ZNF260: variants seen among roughly 807,000 people sequenced by gnomAD.
The protein encoded by ZNF260 is zfp-260.
ZNF260 carries 21 observed loss-of-function variants against 29.3 expected under a neutral mutation model. The ratio of observed to expected loss-of-function variants is 0.72; its 90% CI spans 0.51 to 1.03. The LOEUF is 1.03. Ranked by LOEUF, ZNF260 falls within the 50% of genes least tolerant of loss-of-function variation. The pLI is 0.00. For missense variants in ZNF260, 465 were observed against 487.8 expected, an observed-to-expected ratio of 0.95 and a Z score of 0.44; for synonymous variants, 156 against 156.8, an observed-to-expected ratio of 0.99 and a Z score of 0.04.
At chr19:36,524,321 G>A (rs909907308) in intron 2 of ZNF260, among the ~76,000 whole-genome samples, 118 of 151,792 alleles carry the variant, frequency 7.8e-4, no homozygotes, top group African/African-American at 2.8e-3. Context: ...AACTACAGGC[G>A]CCCGCCACCA....
In ZNF260 at chr19:36,514,079, G is replaced by T. The variant is rs1352964809; in HGVS notation, c.1160C>A (p.Pro387His). 1 of 1,614,108 alleles carries T rather than the reference G, an allele frequency of 6.2e-7. No homozygotes were observed. The highest frequency in any genetic ancestry group is 1.7e-5 in the Admixed American group (1 of 60,014). ...TTTCCCACATTCACTACACTGATAA[G>T]GTTTTTCACCAGTATGGATTCTCAT... ...LHMRIHTGEK[P>H]YQCSECGKAF... Residue 387 changes from proline to histidine, a missense_variant, in exon 3 of 3, where the codon CCT (proline) becomes CAT (histidine). Physicochemically the swap from Pro to His is moderately conservative, Grantham distance 77. Transcript: ENST00000523638.
intron 2 of ZNF260, among the ~76,000 whole-genome samples, chr19:36,516,725 C>T (rs1371121574): frequency 2.0e-5 from 3 of 152,074 alleles, no homozygotes; most frequent in Admixed American, 2.0e-4. Context: ...ACTACAGGCG[C>T]CCACCACCAT....
chr19:36,525,615 T>C (rs899977193), intron 1 of ZNF260, among the ~76,000 whole-genome samples: 5 of 152,014 alleles, frequency 3.3e-5, no homozygotes, highest in African/African-American at 7.2e-5. Flanking sequence ...GGTGAAACCC[T>C]GTCTCTACTA....
intron 2 of ZNF260, among the ~76,000 whole-genome samples, chr19:36,516,546 T>C (rs139936479): frequency 4.3e-4 from 65 of 152,336 alleles, no homozygotes; most frequent in African/African-American, 1.5e-3. Context: ...GCTATGATCG[T>C]GCCAGTGTCT....
At chr19:36,526,203 A>G (rs2034730712) in intron 1 of ZNF260, among the ~76,000 whole-genome samples, 1 of 152,200 alleles carries the variant, frequency 6.6e-6, no homozygotes, top group African/African-American at 2.4e-5. Flanking sequence ...TGGTTCCAGG[A>G]TCACTGTGGA....
chr19:36,525,129 T>G (rs2034713226), intron 2 of ZNF260, 26 bp downstream of exon 2: 1 of 152,240 alleles, frequency 6.6e-6, no homozygotes, highest in African/African-American at 2.4e-5. Flanking sequence ...ATAACTGCAA[T>G]AAGTCTTTAT....
At chr19:36,526,305 C>G (rs572866676) in intron 1 of ZNF260, among the ~76,000 whole-genome samples, 38 of 152,188 alleles carry the variant, frequency 2.5e-4, no homozygotes, top group African/African-American at 7.7e-4. Flanking sequence ...CTTTGGGAGG[C>G]TGAGGCAGGC....
chr19:36,520,106 G>A (rs1281937260), intron 2 of ZNF260, among the ~76,000 whole-genome samples: 4 of 151,104 alleles, frequency 2.6e-5, no homozygotes, highest in Admixed American at 6.6e-5. Flanking sequence ...GGCTGAGGCA[G>A]GAGAAATGCT....
Position 36,514,407 on chromosome 19 carries a change from A to G in ZNF260, c.832T>C (p.Cys278Arg). 6.2e-7 allele frequency: 1 copy of G among 1,613,590 alleles called. No individual in the cohort carries two copies. The change falls in exon 3 of 3, where the codon TGT becomes CGT. Residue 278 changes from cysteine (C) to arginine (R), a missense_variant. Transcript: ENST00000523638. Reference sequence around the variant, plus strand: ...CTGAAGATTGTTCCACATTCATTACATTTGTAGGGTTTCTCTCCAATATGA... The same window carrying G: ...CTGAAGATTGTTCCACATTCATTACGTTTGTAGGGTTTCTCTCCAATATGA... ...KIHIGEKPYK[C>R]NECGTIFRQK...
Position 36,513,152 on chromosome 19 carries a change from A to C in ZNF260, c.*848T>G, listed in dbSNP as rs1461856159. The C allele has an allele frequency of 6.6e-6, 1 of 152,152 alleles. No homozygotes were observed. The highest frequency in any genetic ancestry group is 2.4e-5 in the African/African-American group (1 of 41,436). 9.4% of individuals were successfully genotyped at this position (152,152 alleles called of 1,614,324 possible). A position where few individuals can be genotyped will look rare whatever the true frequency, so the allele number is the denominator to read the frequency against. ...ACTAAATTTTATCATAGGTATGTAT[A>C]TATAAGAAAAAAACATAGACATAGA... On this transcript the variant is annotated 3_prime_UTR_variant, in exon 3 of 3. Coordinates refer to ENST00000523638, the MANE Select transcript of ZNF260 (RefSeq NM_001166037.2).
intron 2 of ZNF260, among the ~76,000 whole-genome samples, chr19:36,520,679 C>T (rs532667623): frequency 5.3e-5 from 8 of 151,900 alleles, no homozygotes; most frequent in East Asian, 1.9e-4. Flanking sequence ...GGTGAAACCC[C>T]GTCTGTACTA....
At position 36,513,629 on chromosome 19, in the gene ZNF260, T is replaced by A; in HGVS notation, c.*371A>T. On this transcript the variant is annotated 3_prime_UTR_variant, in exon 3 of 3. Coordinates refer to ENST00000523638, the MANE Select transcript of ZNF260 (RefSeq NM_001166037.2). ...GATGATTCTAGTTTTACAATTCATA[T>A]ATGTAGCAAAACATCACAAAAATGA... is the stretch of plus-strand genomic sequence containing the variant. 1 of 414,564 alleles carries A rather than the reference T, an allele frequency of 2.4e-6. No individual in the cohort carries two copies. The highest frequency in any genetic ancestry group is 3.4e-5 in the East Asian group (1 of 29,732). 25.7% of individuals were successfully genotyped at this position (414,564 alleles called of 1,614,324 possible). A position where few individuals can be genotyped will look rare whatever the true frequency, so the allele number is the denominator to read the frequency against.
In ZNF260 at chr19:36,524,554, T is replaced by G. The variant is rs569231385; in HGVS notation, c.-462+601A>C. Among the ~76,000 whole-genome samples, 66 of 131,500 alleles carry G rather than the reference T, an allele frequency of 5.0e-4. 3 individuals carry two copies. Among genetic ancestry groups the G allele is most frequent in the Middle Eastern group, 7.6e-3 (2 of 262 alleles). The allele number at this position is 131,500 out of a possible 152,430, so 86.3% of individuals were successfully genotyped here. A position where few individuals can be genotyped will look rare whatever the true frequency, so the allele number is the denominator to read the frequency against. ...TTTTTTATTGATCATTCTTGGGTGTTTCTCGCAGAGGGGGATTTGGCAGGG... is the reference window on the plus strand; with the variant it reads ...TTTTTTATTGATCATTCTTGGGTGTGTCTCGCAGAGGGGGATTTGGCAGGG... On this transcript the variant is annotated intron_variant, in intron 2 of 2. Transcript: ENST00000523638.
At chr19:36,518,521 C>G (rs1218002486) in intron 2 of ZNF260, among the ~76,000 whole-genome samples, 1 of 151,842 alleles carries the variant, frequency 6.6e-6, no homozygotes, top group African/African-American at 2.4e-5. Flanking sequence ...GAAAGAAAGT[C>G]TAGAAAATCT....
intron 1 of ZNF260, among the ~76,000 whole-genome samples, chr19:36,526,270 G>A (rs1202288288): frequency 6.6e-6 from 1 of 152,170 alleles, no homozygotes; most frequent in East Asian, 1.9e-4. Flanking sequence ...GCCAGGCATG[G>A]TGGCTCACGC....
chr19:36,513,782 G>C lies in ZNF260; in HGVS notation c.*218C>G. 1 of 586,068 alleles carries C rather than the reference G, an allele frequency of 1.7e-6. No homozygotes were observed. The highest frequency in any genetic ancestry group is 4.5e-4 in the Middle Eastern group (1 of 2,230). The allele number at this position is 586,068 out of a possible 1,614,324, so 36.3% of individuals were successfully genotyped here. On this transcript the variant is annotated 3_prime_UTR_variant, in exon 3 of 3. Transcript: ENST00000523638. ...CCTAACTTTAATGAGTATACTCCTAGAAGTACAGCATTGATAATGCTTGTT... is the reference window on the plus strand; with the variant it reads ...CCTAACTTTAATGAGTATACTCCTACAAGTACAGCATTGATAATGCTTGTT...
intron 1 of ZNF260, among the ~76,000 whole-genome samples, chr19:36,527,626 A>C (rs955988344): frequency 6.6e-6 from 1 of 152,126 alleles, no homozygotes; most frequent in African/African-American, 2.4e-5. Flanking sequence ...CCTCTTAAAG[A>C]TATTCCTTAG....
chr19:36,512,713 TTC>T lies in ZNF260; in HGVS notation c.*1285_*1286del, dbSNP rs2034471510. 6.6e-6 allele frequency: 1 copy of T among 152,194 alleles called. No homozygotes were observed. Among genetic ancestry groups the T allele is most frequent in the South Asian group, 2.1e-4 (1 of 4,830 alleles). 9.4% of individuals were successfully genotyped at this position (152,194 alleles called of 1,614,324 possible). A position where few individuals can be genotyped will look rare whatever the true frequency, so the allele number is the denominator to read the frequency against. ...CTTCACTCTAATTTTTTAAAAATAT[TTC>T]TGTTAATATATAGACTTAATTTGTC... is the stretch of plus-strand genomic sequence containing the variant. On this transcript the variant is annotated 3_prime_UTR_variant, in exon 3 of 3. Transcript: ENST00000523638.
At chr19:36,520,721 G>C (rs530331399) in intron 2 of ZNF260, among the ~76,000 whole-genome samples, 11 of 152,022 alleles carry the variant, frequency 7.2e-5, no homozygotes, top group Non-Finnish European at 1.5e-4. Context: ...TTAGCTAGGC[G>C]TGGTGGCGGG....
Sources: gnomAD v4.1 joint callset for allele counts (sites outside exome capture counted in the v4.1 genomes callset) on GRCh38, gnomAD v4.1.1 for gene constraint, MANE v1.5 for transcripts, NCBI Gene and HGNC (gene_info 2026-07-23, HGNC 2026-07-21) for gene names.